NAA40: variants seen among roughly 807,000 people sequenced by gnomAD.
The protein encoded by NAA40 is N-alpha-acetyltransferase 40.
NAA40 carries 26 observed loss-of-function variants against 36.6 expected under a neutral mutation model. That is an observed-to-expected ratio of 0.71 (90% confidence interval 0.52 to 0.98). NAA40 has a LOEUF of 0.98. NAA40 is among the 50% of genes least tolerant of loss of function. NAA40 has a pLI of 0.00. For synonymous variants in NAA40, 129 were observed against 108.4 expected (o/e 1.19, Z -1.18); for missense variants, 237 against 306.5 (o/e 0.77, Z 1.69).
chr11:63,945,810 T>G (rs368849517), intron 1 of NAA40, 30 bp from the exon 2 acceptor site: 1 of 1,593,148 alleles, frequency 6.3e-7, no homozygotes, highest in African/African-American at 1.3e-5. Context: ...CCACAGCCAT[T>G]CCAGCTAACG....
intron 1 of NAA40, among the ~76,000 whole-genome samples, chr11:63,940,494 C>G (rs1357942821): frequency 1.3e-5 from 2 of 152,174 alleles, no homozygotes; most frequent in African/African-American, 4.8e-5. Context: ...ATTTCCTCAC[C>G]TCTGTAATTG....
At chr11:63,939,742 T>C (rs1036363672) in intron 1 of NAA40, among the ~76,000 whole-genome samples, 2 of 152,158 alleles carry the variant, frequency 1.3e-5, no homozygotes, top group Admixed American at 6.6e-5. Context: ...AAATGGTTCT[T>C]ACGACCGCTT....
intron 3 of NAA40, among the ~76,000 whole-genome samples, chr11:63,950,768 T>C (rs1028726221): frequency 3.3e-5 from 5 of 152,220 alleles, no homozygotes; most frequent in African/African-American, 1.2e-4. Flanking sequence ...GGCCTCATAG[T>C]GTTTTCATAT....
In NAA40 at chr11:63,955,766, A is replaced by G. The variant is rs10897466; in HGVS notation, c.*1287A>G. The G allele has an allele frequency of 0.36, 55,159 of 152,218 alleles. 10,684 individuals are homozygous for G. Among genetic ancestry groups the G allele is most frequent in the Non-Finnish European group, 0.44 (29,665 of 67,994 alleles). The allele number at this position is 152,218 out of a possible 1,614,324, so 9.4% of individuals were successfully genotyped here. The stretch of plus-strand genomic sequence containing the variant: ...AGGATAGAAAGGCAGGCTCAGAACT[A>G]ATGCTCATCCTGATCTCTAGGCCTT... On this transcript the variant is annotated 3_prime_UTR_variant, in exon 8 of 8. Coordinates refer to ENST00000377793, the MANE Select transcript of NAA40 (RefSeq NM_024771.4).
In NAA40 at chr11:63,954,871, TG is replaced by T. The variant is rs564753557; in HGVS notation, c.*393del. The stretch of plus-strand genomic sequence containing the variant: ...AATGGAATGTTTATGTCCACCTTTA[TG>T]AAAGTTCTGGAGTCCTGGGTCTGGG... On this transcript the variant is annotated 3_prime_UTR_variant, in exon 8 of 8. Transcript: ENST00000377793. The T allele has an allele frequency of 2.1e-3, 335 of 158,996 alleles. 2 individuals carry two copies. The highest frequency in any genetic ancestry group is 3.8e-3 in the Non-Finnish European group (276 of 72,810). The allele number at this position is 158,996 out of a possible 1,614,324, so 9.8% of individuals were successfully genotyped here.
intron 3 of NAA40, among the ~76,000 whole-genome samples, chr11:63,949,316 T>C (rs141892453): frequency 2.0e-4 from 30 of 152,302 alleles, no homozygotes; most frequent in African/African-American, 7.0e-4. Context: ...TTTGCTGTTA[T>C]TTTATTTTAA....
rs59290702 is a variant in NAA40, at chr11:63,957,212, A to ATTTTT, written c.*2740_*2744dup. 1 of 64,300 alleles carries ATTTTT rather than the reference A, an allele frequency of 1.6e-5. No homozygotes were observed. Among genetic ancestry groups the ATTTTT allele is most frequent in the African/African-American group, 4.2e-5 (1 of 23,942 alleles). The allele number at this position is 64,300 out of a possible 1,614,324, so 4.0% of individuals were successfully genotyped here. A position where few individuals can be genotyped will look rare whatever the true frequency, so the allele number is the denominator to read the frequency against. ...CCTTGATATATATATATATATATAT[A>ATTTTT]TTTTTTTTTTTCTTTAGCAGCTTGT... On this transcript the variant is annotated 3_prime_UTR_variant, in exon 8 of 8. Coordinates refer to ENST00000377793, the MANE Select transcript of NAA40 (RefSeq NM_024771.4).
chr11:63,952,100 T>C (rs1942288313), intron 3 of NAA40, 138 bp from the exon 4 acceptor site: 2 of 642,478 alleles, frequency 3.1e-6, no homozygotes, highest in East Asian at 5.4e-5. Context: ...CTAGTCATGC[T>C]GGGGCAGATA....
At chr11:63,941,397 G>A (rs933896321) in intron 1 of NAA40, among the ~76,000 whole-genome samples, 3 of 152,190 alleles carry the variant, frequency 2.0e-5, no homozygotes. Context: ...TCTTTCAGGA[G>A]TTAGAATTTA....
At chr11:63,946,059 CTTG>C in intron 2 of NAA40, 124 bp downstream of exon 2, 6 of 831,938 alleles carry the variant, frequency 7.2e-6, no homozygotes, top group South Asian at 1.6e-5. Flanking sequence ...CCTCTGCCTC[CTTG>C]CTGTGCAGGG....
At chr11:63,947,287 A>G (rs1942203578) in intron 3 of NAA40, among the ~76,000 whole-genome samples, 1 of 152,022 alleles carries the variant, frequency 6.6e-6, no homozygotes, top group Non-Finnish European at 1.5e-5. Flanking sequence ...ATCGCCTGTA[A>G]TCCCAGCTAC....
At chr11:63,939,226 C>A in intron 1 of NAA40, 124 bp downstream of exon 1, 1 of 1,215,416 alleles carries the variant, frequency 8.2e-7, no homozygotes, top group Non-Finnish European at 1.1e-6. Flanking sequence ...GACCCCTGAC[C>A]CCCACATGAC....
At chr11:63,946,069 A>G in intron 2 of NAA40, 134 bp downstream of exon 2, 1 of 770,688 alleles carries the variant, frequency 1.3e-6, no homozygotes, top group Non-Finnish European at 2.2e-6. Flanking sequence ...CTTGCTGTGC[A>G]GGGAACTGAG....
intron 1 of NAA40, among the ~76,000 whole-genome samples, chr11:63,941,364 T>A (rs1242696123): frequency 6.6e-6 from 1 of 152,222 alleles, no homozygotes; most frequent in African/African-American, 2.4e-5. Context: ...CACACACGTG[T>A]CCTAGTTGCC....
At chr11:63,948,197 T>C (rs1038550855) in intron 3 of NAA40, among the ~76,000 whole-genome samples, 3 of 152,148 alleles carry the variant, frequency 2.0e-5, no homozygotes, top group Non-Finnish European at 4.4e-5. Context: ...CAAAGAATCA[T>C]TGAGCTGAAA....
At chr11:63,946,735 A>G in intron 2 of NAA40, 1 of 1,526,360 alleles carries the variant, frequency 6.6e-7, no homozygotes. Context: ...GTGATGCCAA[A>G]CTTAACTCTC....
intron 1 of NAA40, among the ~76,000 whole-genome samples, chr11:63,940,097 C>T (rs1016341550): frequency 5.5e-4 from 70 of 127,600 alleles, no homozygotes; most frequent in African/African-American, 2.1e-3. Context: ...GTCGCCGAAG[C>T]TGGAGTGCAA....
At chr11:63,946,205 A>AT (rs1022508692) in intron 2 of NAA40, 367 of 419,830 alleles carry the variant, frequency 8.7e-4, no homozygotes, top group South Asian at 1.4e-3. Flanking sequence ...GATCTAGATA[A>AT]TTTTTTTTTC....
intron 1 of NAA40, 72 bp from the exon 2 acceptor site, chr11:63,945,768 A>C: frequency 7.2e-7 from 1 of 1,379,928 alleles, no homozygotes; most frequent in South Asian, 1.2e-5. Flanking sequence ...GGGCCCTTCG[A>C]TTCCTTAAAG....
Sources: gnomAD v4.1 joint callset for allele counts (sites outside exome capture counted in the v4.1 genomes callset) on GRCh38, gnomAD v4.1.1 for gene constraint, MANE v1.5 for transcripts, NCBI Gene and HGNC (gene_info 2026-07-23, HGNC 2026-07-21) for gene names.